The following GLDC variants were observed in gnomAD, a reference collection of about 807,000 sequenced individuals.
GLDC encodes glycine decarboxylase.
In GLDC, 104 loss-of-function variants were observed where a neutral mutation model predicts 121.3. The observed-to-expected ratio is 0.86, with a 90% confidence interval of 0.73 to 1.01. GLDC has a LOEUF of 1.01. GLDC is among the 50% of genes least tolerant of loss of function. The pLI is 0.00. For missense variants in GLDC, 1,429 were observed against 1,306.6 expected (o/e 1.09, Z -1.44); for synonymous variants, 546 against 480.6 (o/e 1.14, Z -1.78).
Position 6,552,940 on chromosome 9 carries a change from G to A in GLDC, c.2457+428C>T, listed in dbSNP as rs1021165673. Among the ~76,000 whole-genome samples, 44 of 148,436 alleles carry A rather than the reference G, an allele frequency of 3.0e-4. No individual in the cohort carries two copies. In the East Asian group the frequency reaches 6.6e-3, roughly 22 times the overall value. On this transcript the variant is annotated intron_variant, in intron 20 of 24. Coordinates refer to ENST00000321612, the MANE Select transcript of GLDC (RefSeq NM_000170.3). The stretch of plus-strand genomic sequence containing the variant: ...CATCTTCTCCTCTGGCCCCCCCCAA[G>A]AAATATATAGCAAAGTGAGATATAT...
chr9:6,609,023 A>G (rs1352044352), intron 4 of GLDC, among the ~76,000 whole-genome samples: 1 of 151,844 alleles, frequency 6.6e-6, no homozygotes, highest in African/African-American at 2.4e-5. Flanking sequence ...CCCCACCCCA[A>G]CTCTGCATAA....
At chr9:6,533,197 T>G in intron 24 of GLDC, 37 bp from the exon 25 acceptor site, 1 of 1,606,168 alleles carries the variant, frequency 6.2e-7, no homozygotes, top group Non-Finnish European at 8.5e-7. Context: ...TGTGAGATGT[T>G]CTGGGAGGTT....
At chr9:6,643,579 C>A (rs562449637) in intron 2 of GLDC, among the ~76,000 whole-genome samples, 1 of 151,246 alleles carries the variant, frequency 6.6e-6, no homozygotes, top group Non-Finnish European at 1.5e-5. Flanking sequence ...ATGGATTGTC[C>A]CCCCACCCCA....
rs184785499 is a variant in GLDC, at chr9:6,602,496, C to T, written c.1059-291G>A. 2.0e-5 allele frequency among the ~76,000 whole-genome samples: 3 copies of T among 151,906 alleles called. No individual in the cohort carries two copies. In the East Asian group the frequency reaches 5.8e-4, roughly 30 times the overall value. On this transcript the variant is annotated intron_variant, in intron 7 of 24. Transcript: ENST00000321612. ...GTTTCAAACGATTCTACTGCATCAG[C>T]CTCCTGACACCACGCCCAGCTAATT...
intron 21 of GLDC, chr9:6,541,000 T>C (rs950628487): frequency 6.6e-6 from 1 of 152,024 alleles, no homozygotes; most frequent in Non-Finnish European, 1.5e-5. Context: ...CTACTAAAAA[T>C]AGAATCACCT....
intron 21 of GLDC, chr9:6,542,266 G>A (rs1257680061): frequency 6.6e-6 from 1 of 152,222 alleles, no homozygotes; most frequent in Non-Finnish European, 1.5e-5. Context: ...AGACACAGTT[G>A]AGCGCTCCGT....
intron 16 of GLDC, among the ~76,000 whole-genome samples, chr9:6,560,451 C>T (rs565790540): frequency 3.9e-5 from 6 of 152,322 alleles, no homozygotes; most frequent in East Asian, 3.9e-4. Context: ...GGTTATGTCA[C>T]GTTGTCCTCA....
chr9:6,610,952 A>T (rs1818838883), intron 3 of GLDC, among the ~76,000 whole-genome samples: 1 of 152,256 alleles, frequency 6.6e-6, no homozygotes, highest in Non-Finnish European at 1.5e-5. Context: ...TTTCCCCTAG[A>T]TAAAAGACCT....
chr9:6,590,427 C>G (rs1818353425), intron 11 of GLDC, among the ~76,000 whole-genome samples: 1 of 152,242 alleles, frequency 6.6e-6, no homozygotes, highest in East Asian at 1.9e-4. Flanking sequence ...ATGGGCTTGG[C>G]GCTGTCTTCA....
At chr9:6,611,231 G>T (rs1171830686) in intron 3 of GLDC, among the ~76,000 whole-genome samples, 2 of 152,238 alleles carry the variant, frequency 1.3e-5, no homozygotes, top group Admixed American at 6.5e-5. Context: ...TATTAGCCAA[G>T]AATGTGGCTT....
At chr9:6,606,111 T>A (rs568686504) in intron 5 of GLDC, 9 of 174,196 alleles carry the variant, frequency 5.2e-5, no homozygotes, top group Admixed American at 1.2e-4. Context: ...ATCAAGACCA[T>A]CCTGGCTAAC....
intron 2 of GLDC, among the ~76,000 whole-genome samples, chr9:6,635,754 G>A (rs1819488063): frequency 6.6e-6 from 1 of 151,902 alleles, no homozygotes; most frequent in Admixed American, 6.6e-5. Context: ...TTCTCCTTGT[G>A]GTCTAAGCTA....
chr9:6,602,230 T>C, intron 7 of GLDC, 25 bp from the exon 8 acceptor site: 1 of 1,333,414 alleles, frequency 7.5e-7, no homozygotes, highest in Non-Finnish European at 1.1e-6. Flanking sequence ...AGGCATCCAG[T>C]TAGCACAGAT....
chr9:6,604,122 G>C (rs565870988), intron 7 of GLDC, among the ~76,000 whole-genome samples: 1 of 152,158 alleles, frequency 6.6e-6, no homozygotes, highest in African/African-American at 2.4e-5. Flanking sequence ...ATGAGAAGCA[G>C]TCAGGAAAGT....
intron 15 of GLDC, among the ~76,000 whole-genome samples, chr9:6,578,158 T>C (rs910902002): frequency 6.6e-6 from 1 of 152,042 alleles, no homozygotes; most frequent in African/African-American, 2.4e-5. Context: ...GATCTTGCTC[T>C]GTCACAGGCT....
chr9:6,604,638 G>A lies in GLDC; in HGVS notation c.1008C>T (p.Val336=). Reference sequence around the variant, plus strand: ...GCATCATTCTCACCAAGCTTTCTCGGACAGCAAAAAATGCTGCATGGGGTC... The same window carrying A: ...GCATCATTCTCACCAAGCTTTCTCGAACAGCAAAAAATGCTGCATGGGGTC... The part of the protein sequence containing the change: ...YGGPHAAFFA[V]RESLVRMMPG... The change falls in exon 7 of 25, where the codon GTC becomes GTT. Residue 336 remains valine (V), a synonymous_variant. Transcript: ENST00000321612. 1.2e-6 allele frequency: 2 copies of A among 1,613,608 alleles called. No homozygotes were observed. Among genetic ancestry groups the A allele is most frequent in the Non-Finnish European group, 1.7e-6 (2 of 1,179,998 alleles).
intron 8 of GLDC, among the ~76,000 whole-genome samples, chr9:6,595,878 C>CT (rs34571237): frequency 6.6e-6 from 1 of 152,138 alleles, no homozygotes; most frequent in Non-Finnish European, 1.5e-5. Flanking sequence ...TTAGGTACAT[C>CT]TTTTTTTCTG....
chr9:6,579,283 T>A (rs1412871060), intron 15 of GLDC, among the ~76,000 whole-genome samples: 2 of 152,202 alleles, frequency 1.3e-5, no homozygotes, highest in Non-Finnish European at 2.9e-5. Flanking sequence ...CATTTCATTT[T>A]TTACCATCAT....
intron 18 of GLDC, 69 bp downstream of exon 18, chr9:6,556,084 G>A: frequency 7.4e-7 from 1 of 1,345,638 alleles, no homozygotes; most frequent in Non-Finnish European, 1.1e-6. Context: ...CAAGAAGTCA[G>A]AATTTTTTTT....
Sources: gnomAD v4.1 joint callset for allele counts (sites outside exome capture counted in the v4.1 genomes callset) on GRCh38, gnomAD v4.1.1 for gene constraint, MANE v1.5 for transcripts, NCBI Gene and HGNC (gene_info 2026-07-23, HGNC 2026-07-21) for gene names.